ADAT3: variants seen among roughly 807,000 people sequenced by gnomAD.
The protein encoded by ADAT3 is adenosine deaminase tRNA specific 3, also known as tRNA-specific adenosine-34 deaminase regulatory subunit ADAT3.
In ADAT3, 2 loss-of-function variants were observed where a neutral mutation model predicts 3.5. The ratio of observed to expected loss-of-function variants is 0.57; its 90% CI spans 0.23 to 1.79. ADAT3 has a LOEUF of 1.79. Among genes scored for constraint, ADAT3 ranks in the 40% most tolerant of loss-of-function variants. The probability of loss-of-function intolerance (pLI) is 0.18; values close to 1 mark genes in which losing one functional copy is unlikely to be tolerated. For missense variants in ADAT3, 735 were observed against 571.4 expected, an observed-to-expected ratio of 1.29 and a Z score of -2.92; for synonymous variants, 358 against 270.3, an observed-to-expected ratio of 1.32 and a Z score of -3.18.
chr19:1,913,008 C>T lies in ADAT3; in HGVS notation c.961C>T (p.Arg321Cys), dbSNP rs780693542. The T allele has an allele frequency of 6.2e-6, 10 of 1,607,334 alleles. No homozygotes were observed. The East Asian group carries it at 2.0e-4, about 32-fold the overall frequency. Residue 321 changes from arginine (R) to cysteine (C), a missense_variant, in exon 2 of 2, where the codon CGC becomes TGC. By Grantham distance (180) the Arg-to-Cys change is radical. Transcript: ENST00000329478. ...GGCCCTGGTGCACGCACGCATCCTG[C>T]GCGTCTTCTACGGTGCGCCCTCGCC... is the stretch of plus-strand genomic sequence containing the variant. Reference protein sequence around the residue: ...AMALVHARILRVFYGAPSPDG... With the variant: ...AMALVHARILCVFYGAPSPDG...
At chr19:1,909,779 C>G (rs546262792) in intron 1 of ADAT3, among the ~76,000 whole-genome samples, 32 of 152,324 alleles carry the variant, frequency 2.1e-4, no homozygotes, top group African/African-American at 7.5e-4. Flanking sequence ...ACTGAGTAAG[C>G]AGGGACACCC....
In ADAT3 at chr19:1,912,892, G is replaced by A. The variant is rs756591965; in HGVS notation, c.845G>A (p.Arg282His). ...CAGGCCGTCCGCGCAGGCGCCGTGC[G>A]TAAACTGGACGCAGACGAGGACGGC... ...APQAVRAGAV[R>H]KLDADEDGLP... The change falls in exon 2 of 2, where the codon CGT (arginine) becomes CAT (histidine). Residue 282 changes from arginine (R) to histidine (H), a missense_variant. Arg to His is a conservative substitution (Grantham distance 29). Coordinates refer to ENST00000329478, the MANE Select transcript of ADAT3 (RefSeq NM_138422.4). The A allele has an allele frequency of 3.1e-6, 5 of 1,607,272 alleles. No homozygotes were observed. The highest frequency in any genetic ancestry group is 2.7e-5 in the African/African-American group (2 of 74,888).
intron 1 of ADAT3, among the ~76,000 whole-genome samples, chr19:1,910,292 CG>C (rs1331930764): frequency 6.6e-6 from 1 of 152,190 alleles, no homozygotes; most frequent in Non-Finnish European, 1.5e-5. Flanking sequence ...AGCTTGCGGC[CG>C]GGGGACCAAG....
chr19:1,911,400 G>C (rs2013439719), intron 1 of ADAT3, among the ~76,000 whole-genome samples: 1 of 151,174 alleles, frequency 6.6e-6, no homozygotes, highest in Non-Finnish European at 1.5e-5. Context: ...TTAAACTCCT[G>C]GGCTCAAGTG....
rs781549276 is a variant in ADAT3, at chr19:1,908,780, C to G, written c.-158-3110C>G. ...TCCTGAGTAGCTGGGACTACATGTG[C>G]ACACCACCGTGCCCAACTAATTTAT... On this transcript the variant is annotated intron_variant, in intron 1 of 1. Coordinates refer to ENST00000329478, the MANE Select transcript of ADAT3 (RefSeq NM_138422.4). This position sits in a 1 kb window ranked among gnomAD's most constrained non-coding sequence, Gnocchi z 4.2. The G allele has an allele frequency of 1.5e-4, 54 of 351,940 alleles. No individual in the cohort carries two copies. Among genetic ancestry groups the G allele is most frequent in the Non-Finnish European group, 2.2e-4 (40 of 179,704 alleles). 21.8% of individuals were successfully genotyped at this position (351,940 alleles called of 1,614,324 possible).
intron 1 of ADAT3, 88 bp from the exon 2 acceptor site, chr19:1,911,799 TAAA>T: frequency 2.5e-6 from 1 of 396,960 alleles, no homozygotes. Flanking sequence ...AAAAATAAAA[TAAA>T]AAAAAAAGAA....
At chr19:1,906,127 A>G (rs2145418317) in intron 1 of ADAT3, 1 of 152,374 alleles carries the variant, frequency 6.6e-6, no homozygotes, top group East Asian at 1.9e-4. Context: ...TGGGAGGCCA[A>G]GGCGAGTGGA....
At chr19:1,909,540 C>T (rs1013118220) in intron 1 of ADAT3, among the ~76,000 whole-genome samples, 4 of 151,876 alleles carry the variant, frequency 2.6e-5, no homozygotes, top group East Asian at 3.9e-4. Flanking sequence ...TACTGCCTCC[C>T]GTCCTCACCT....
At position 1,913,155 on chromosome 19, in the gene ADAT3, C is replaced by G; in HGVS notation, c.*4C>G. On this transcript the variant is annotated 3_prime_UTR_variant, in exon 2 of 2. Transcript: ENST00000329478. ...CTGGCTGGACCCCGACACGTAGGCG[C>G]CGCCCTCCTGCCTCCGGACCCTTCC... The G allele has an allele frequency of 6.5e-7, 1 of 1,533,874 alleles. No homozygotes were observed. Among genetic ancestry groups the G allele is most frequent in the South Asian group, 1.2e-5 (1 of 82,904 alleles).
At chr19:1,905,634 G>C (rs1420502136) in intron 1 of ADAT3, 195 bp downstream of exon 1, 1 of 150,222 alleles carries the variant, frequency 6.7e-6, no homozygotes, top group Non-Finnish European at 1.5e-5. Context: ...GAATGCGCGT[G>C]CGCGCGCGCG....
chr19:1,908,055 G>C lies in ADAT3; in HGVS notation c.-159+2616G>C, dbSNP rs1346174441. ...TCAGACAGAGGTTGTACTCTTGGAG[G>C]GACAAGCGAGGCTGTGTTTGTCTTT... On this transcript the variant is annotated intron_variant, in intron 1 of 1. Coordinates refer to ENST00000329478, the MANE Select transcript of ADAT3 (RefSeq NM_138422.4). The surrounding 1 kb of genome is among the most constrained non-coding windows in gnomAD (Gnocchi z 4.2). The C allele has an allele frequency of 1.7e-5, 3 of 171,770 alleles. No homozygotes were observed. Among genetic ancestry groups the C allele is most frequent in the African/African-American group, 7.2e-5 (3 of 41,530 alleles). The allele number at this position is 171,770 out of a possible 1,614,324, so 10.6% of individuals were successfully genotyped here.
intron 1 of ADAT3, among the ~76,000 whole-genome samples, chr19:1,907,549 G>T (rs2013195766): frequency 6.6e-6 from 1 of 152,124 alleles, no homozygotes; most frequent in Non-Finnish European, 1.5e-5. Context: ...GTGTTTTCTG[G>T]GTGGACATAC....
In ADAT3 at chr19:1,912,842, C is replaced by G; in HGVS notation, c.795C>G (p.Cys265Trp). The change falls in exon 2 of 2, where the codon TGC (cysteine) becomes TGG (tryptophan). Residue 265 changes from cysteine to tryptophan, a missense_variant. Cys to Trp is a radical substitution (Grantham distance 215, BLOSUM62 -2). Transcript: ENST00000329478. ...GTYDFRPFPA[C>W]SFAPAAAPQA... ...ACGACTTCAGACCCTTCCCCGCCTGCTCCTTCGCCCCGGCCGCTGCCCCCC... is the reference window on the plus strand; with the variant it reads ...ACGACTTCAGACCCTTCCCCGCCTGGTCCTTCGCCCCGGCCGCTGCCCCCC... 1 of 1,594,842 alleles carries G rather than the reference C, an allele frequency of 6.3e-7. No individual in the cohort carries two copies. Among genetic ancestry groups the G allele is most frequent in the Non-Finnish European group, 8.5e-7 (1 of 1,176,456 alleles).
intron 1 of ADAT3, among the ~76,000 whole-genome samples, chr19:1,909,566 A>C (rs200400869): frequency 6.8e-6 from 1 of 147,322 alleles, no homozygotes; most frequent in Non-Finnish European, 1.5e-5. Context: ...AGTGGCTGGG[A>C]TGTCTTCACC....
chr19:1,908,246 T>G lies in ADAT3; in HGVS notation c.-159+2807T>G. On this transcript the variant is annotated intron_variant, in intron 1 of 1. Coordinates refer to ENST00000329478, the MANE Select transcript of ADAT3 (RefSeq NM_138422.4). The surrounding 1 kb of genome is among the most constrained non-coding windows in gnomAD (Gnocchi z 4.2). ...GCAGCACCTGGCGCTGCCTCCGCGC[T>G]TCCTGCTCCCGGCTCCCACTGCATC... is the stretch of plus-strand genomic sequence containing the variant. 3.5e-6 allele frequency: 1 copy of G among 285,472 alleles called. No individual in the cohort carries two copies. The highest frequency in any genetic ancestry group is 7.0e-6 in the Non-Finnish European group (1 of 143,856). The allele number at this position is 285,472 out of a possible 1,614,324, so 17.7% of individuals were successfully genotyped here.
chr19:1,910,749 G>A (rs1230721393), intron 1 of ADAT3, among the ~76,000 whole-genome samples: 3 of 150,214 alleles, frequency 2.0e-5, no homozygotes, highest in Non-Finnish European at 4.4e-5. Context: ...GCTAATTTTT[G>A]TATTTTTAGT....
chr19:1,912,678 G>T lies in ADAT3; in HGVS notation c.631G>T (p.Val211Leu). ...RRAAARGLRAVGAVVVDPASD... is the reference protein window; with the variant it reads ...RRAAARGLRALGAVVVDPASD... ...GGCAGCAGCGCGGGGCTTGCGGGCC[G>T]TGGGGGCCGTGGTAGTGGACCCGGC... The change falls in exon 2 of 2, where the codon GTG (valine) becomes TTG (leucine). Residue 211 changes from valine (V) to leucine (L), a missense_variant. Val to Leu is a conservative substitution (Grantham distance 32). Transcript: ENST00000329478. The T allele has an allele frequency of 2.8e-6, 4 of 1,445,356 alleles. No individual in the cohort carries two copies. Among genetic ancestry groups the T allele is most frequent in the Non-Finnish European group, 3.6e-6 (4 of 1,109,786 alleles). The allele number at this position is 1,445,356 out of a possible 1,614,324, so 89.5% of individuals were successfully genotyped here.
chr19:1,912,418 A>G lies in ADAT3; in HGVS notation c.371A>G (p.Glu124Gly). ...GCCTCGGGCCCGCGCTCGCTGGCTG[A>G]GCTCCTGCCACGGCCGGCTGTGGAC... ...GPASGPRSLA[E>G]LLPRPAVDPR... is the part of the protein sequence containing the mutation. The change falls in exon 2 of 2, where the codon GAG (glutamate) becomes GGG (glycine). Residue 124 changes from glutamate to glycine, a missense_variant. Physicochemically the swap from Glu to Gly is moderately conservative, Grantham distance 98. Transcript: ENST00000329478. The G allele has an allele frequency of 6.6e-7, 1 of 1,512,512 alleles. No individual in the cohort carries two copies. Among genetic ancestry groups the G allele is most frequent in the Non-Finnish European group, 8.8e-7 (1 of 1,137,724 alleles). The allele number at this position is 1,512,512 out of a possible 1,614,324, so 93.7% of individuals were successfully genotyped here. A position where few individuals can be genotyped will look rare whatever the true frequency, so the allele number is the denominator to read the frequency against.
rs2013555145 is a variant in ADAT3 at position 1,912,868 on chromosome 19, A to AG, written c.823dup (p.Ala275GlyfsTer9). The AG allele has an allele frequency of 5.6e-6, 9 of 1,599,974 alleles. No individual in the cohort carries two copies. Among genetic ancestry groups the AG allele is most frequent in the African/African-American group, 1.3e-5 (1 of 74,770 alleles). Reference sequence around the variant, plus strand: ...TCCTTCGCCCCGGCCGCTGCCCCCCAGGCCGTCCGCGCAGGCGCCGTGCGT... The same window carrying AG: ...TCCTTCGCCCCGGCCGCTGCCCCCCAGGGCCGTCCGCGCAGGCGCCGTGCGT... On this transcript the variant is annotated frameshift_variant, in exon 2 of 2. Coordinates refer to ENST00000329478, the MANE Select transcript of ADAT3 (RefSeq NM_138422.4). LOFTEE classifies it low-confidence loss of function (END_TRUNC).
Sources: allele counts gnomAD v4.1 joint callset (sites outside exome capture counted in the v4.1 genomes callset), GRCh38; gene constraint gnomAD v4.1.1; non-coding constraint Gnocchi (gnomAD v3.1); transcripts MANE v1.5; gene names NCBI Gene and HGNC (gene_info 2026-07-23, HGNC 2026-07-21).